The following FBRSL1 variants were observed in gnomAD, a reference collection of about 807,000 sequenced individuals.
The protein encoded by FBRSL1 is fibrosin like 1.
Under a neutral mutation model 89.6 loss-of-function variants are expected in FBRSL1, and 51 were observed. The ratio of observed to expected loss-of-function variants is 0.57; its 90% CI spans 0.45 to 0.72. FBRSL1 has a LOEUF of 0.72. FBRSL1 is among the 30% of genes least tolerant of loss of function. FBRSL1 has a pLI of 0.00. For synonymous variants in FBRSL1, 779 were observed against 681.1 expected, an observed-to-expected ratio of 1.14 and a Z score of -2.24; for missense variants, 1,618 against 1,451.8, an observed-to-expected ratio of 1.11 and a Z score of -1.86.
chr12:132,557,082 AC>A (rs1411483976), intron 5 of FBRSL1, among the ~76,000 whole-genome samples: 1 of 151,968 alleles, frequency 6.6e-6, no homozygotes, highest in Non-Finnish European at 1.5e-5. Context: ...GGCTGAGAGG[AC>A]CCTGTGTGCT....
intron 5 of FBRSL1, among the ~76,000 whole-genome samples, chr12:132,549,202 C>T (rs948676115): frequency 1.3e-5 from 2 of 152,188 alleles, no homozygotes; most frequent in Non-Finnish European, 2.9e-5. Context: ...GCCGTGTGGG[C>T]CGCAGTGCCG....
At chr12:132,527,118 C>A (rs2035853882) in intron 3 of FBRSL1, among the ~76,000 whole-genome samples, 1 of 152,066 alleles carries the variant, frequency 6.6e-6, no homozygotes, top group South Asian at 2.1e-4. Context: ...ACCTGTCAGG[C>A]CCCTGTGGTG....
At chr12:132,560,615 T>C (rs1164210136) in intron 5 of FBRSL1, among the ~76,000 whole-genome samples, 1 of 152,132 alleles carries the variant, frequency 6.6e-6, no homozygotes, top group Admixed American at 6.5e-5. Context: ...TGGCCCAGGC[T>C]GCGCCGCGTG....
chr12:132,499,557 G>A lies in FBRSL1; in HGVS notation c.292-8596G>A, dbSNP rs918004408. 9.8e-5 allele frequency among the ~76,000 whole-genome samples: 15 copies of A among 152,324 alleles called. No homozygotes were observed. The highest frequency in any genetic ancestry group is 3.4e-4 in the African/African-American group (14 of 41,570). ...GGCTAGGAGTCACAGAGGAGGCCAC[G>A]AGGGCTTCTGGGGAAGAGTGCAGGC... is the stretch of plus-strand genomic sequence containing the variant. On this transcript the variant is annotated intron_variant, in intron 1 of 18. Coordinates refer to ENST00000680143, the MANE Select transcript of FBRSL1 (RefSeq NM_001367871.1). The surrounding 1 kb of genome is among the most constrained non-coding windows in gnomAD (Gnocchi z 4.3).
At chr12:132,490,994 C>T (rs546310061) in intron 1 of FBRSL1, 133 bp downstream of exon 1, 1 of 683,868 alleles carries the variant, frequency 1.5e-6, no homozygotes, top group Non-Finnish European at 1.9e-6. Context: ...GCCCCGGCCA[C>T]TTGGTACCCG....
chr12:132,558,532 G>A (rs1002216670), intron 5 of FBRSL1, among the ~76,000 whole-genome samples: 3 of 152,244 alleles, frequency 2.0e-5, no homozygotes, highest in African/African-American at 7.2e-5. Context: ...CTTTGGGGGC[G>A]ACTTGTTGGT....
chr12:132,508,134 T>A lies in FBRSL1; in HGVS notation c.292-19T>A, dbSNP rs775556452. The A allele has an allele frequency of 2.4e-5, 30 of 1,274,572 alleles. No individual in the cohort carries two copies. The highest frequency in any genetic ancestry group is 3.2e-5 in the Non-Finnish European group (29 of 892,926). 79.0% of individuals were successfully genotyped at this position (1,274,572 alleles called of 1,614,324 possible). On this transcript the variant is annotated intron_variant, in intron 1 of 18. Coordinates refer to ENST00000680143, the MANE Select transcript of FBRSL1 (RefSeq NM_001367871.1). ...CTGGGGTCCCGCCAATTAACTGGCG[T>A]TTCCCTGTCTCCCTGCAGAAGGATA...
At chr12:132,570,683 G>A (rs966303591) in intron 8 of FBRSL1, 143 bp downstream of exon 8, 36 of 765,696 alleles carry the variant, frequency 4.7e-5, no homozygotes, top group Non-Finnish European at 6.3e-5. Flanking sequence ...GTTCCCCCAG[G>A]TGTGCCTTTC....
intron 10 of FBRSL1, 56 bp downstream of exon 10, chr12:132,572,400 G>A (rs1438847408): frequency 1.8e-5 from 27 of 1,537,320 alleles, no homozygotes; most frequent in South Asian, 6.0e-5. Context: ...TCCTGGCCAC[G>A]GGGCGGTGGG....
At chr12:132,504,656 C>A (rs2033457359) in intron 1 of FBRSL1, among the ~76,000 whole-genome samples, 1 of 152,198 alleles carries the variant, frequency 6.6e-6, no homozygotes, top group Non-Finnish European at 1.5e-5. Context: ...GGGGTTCCTG[C>A]AGCTGGGACA....
Position 132,583,488 on chromosome 12 carries a change from GC to G in FBRSL1, c.2723del (p.Pro908ArgfsTer53). On this transcript the variant is annotated frameshift_variant, in exon 19 of 19. Coordinates refer to ENST00000680143, the MANE Select transcript of FBRSL1 (RefSeq NM_001367871.1). LOFTEE classifies it high-confidence loss of function. ...GCGCGGGGAGCTGGAGCGCGCGCGGGCCCCGCACCTGCCGCCCGCCGCCCCC... is the reference window on the plus strand; with the variant it reads ...GCGCGGGGAGCTGGAGCGCGCGCGGGCCCGCACCTGCCGCCCGCCGCCCCC... ...RLRGELERAR[A>X]PHLPPAAPAL... is the part of the protein sequence containing the mutation. 9.5e-7 allele frequency: 1 copy of G among 1,048,130 alleles called. No individual in the cohort carries two copies. The highest frequency in any genetic ancestry group is 9.2e-5 in the East Asian group (1 of 10,848). 64.9% of individuals were successfully genotyped at this position (1,048,130 alleles called of 1,614,324 possible). A position where few individuals can be genotyped will look rare whatever the true frequency, so the allele number is the denominator to read the frequency against.
chr12:132,501,238 G>A (rs887210062), intron 1 of FBRSL1, among the ~76,000 whole-genome samples: 1 of 152,244 alleles, frequency 6.6e-6, no homozygotes, highest in Non-Finnish European at 1.5e-5. Context: ...AGCCCCAGGG[G>A]TCGTCAGTTC....
chr12:132,581,575 G>A (rs954482973), intron 16 of FBRSL1, 59 bp downstream of exon 16: 46 of 1,535,702 alleles, frequency 3.0e-5, no homozygotes, highest in Admixed American at 7.9e-5. Flanking sequence ...GCCTTGTGGC[G>A]GGGGAATTAG....
chr12:132,574,857 C>T (rs1013024250), intron 14 of FBRSL1, among the ~76,000 whole-genome samples: 64 of 152,226 alleles, frequency 4.2e-4, no homozygotes, highest in East Asian at 2.1e-3. Context: ...CAGCTCCCCA[C>T]GTCACTGGGG....
At chr12:132,561,924 C>T (rs949091389) in intron 5 of FBRSL1, among the ~76,000 whole-genome samples, 1 of 152,160 alleles carries the variant, frequency 6.6e-6, no homozygotes, top group Non-Finnish European at 1.5e-5. Context: ...GGGAGCCTGG[C>T]CCAAGGGAGC....
At chr12:132,511,754 A>G in intron 2 of FBRSL1, 1 of 985,322 alleles carries the variant, frequency 1.0e-6, no homozygotes, top group Non-Finnish European at 1.2e-6. Context: ...CTTGCTCATG[A>G]GGACCCCACC....
intron 3 of FBRSL1, among the ~76,000 whole-genome samples, chr12:132,526,695 C>T (rs2035813729): frequency 1.3e-5 from 2 of 152,162 alleles, no homozygotes; most frequent in South Asian, 4.1e-4. Context: ...CAGCTGGCCC[C>T]AAAGCCCTCC....
intron 8 of FBRSL1, among the ~76,000 whole-genome samples, 178 bp downstream of exon 8, chr12:132,570,718 G>A (rs1356765990): frequency 6.6e-6 from 1 of 152,206 alleles, no homozygotes; most frequent in African/African-American, 2.4e-5. Context: ...CTGGGCCACA[G>A]GCCATCTGTG....
At chr12:132,552,952 CT>C (rs1221756249) in intron 5 of FBRSL1, 10 of 154,034 alleles carry the variant, frequency 6.5e-5, no homozygotes, top group African/African-American at 2.4e-4. Flanking sequence ...CGGGCCGCGC[CT>C]TTGTTCTGTC....
Sources: allele counts gnomAD v4.1 joint callset (sites outside exome capture counted in the v4.1 genomes callset), GRCh38; gene constraint gnomAD v4.1.1; non-coding constraint Gnocchi (gnomAD v3.1); transcripts MANE v1.5; gene names NCBI Gene and HGNC (gene_info 2026-07-23, HGNC 2026-07-21).